DUSP22: variants seen among roughly 807,000 people sequenced by gnomAD.
The protein encoded by DUSP22 is dual specificity phosphatase 22.
Under a neutral mutation model 24.5 loss-of-function variants are expected in DUSP22, and 24 were observed. The ratio of observed to expected loss-of-function variants is 0.98; its 90% CI spans 0.71 to 1.38. DUSP22 has a LOEUF of 1.38. DUSP22 is among the 40% of genes most tolerant of loss of function. The pLI is 0.00. For missense variants in DUSP22, 330 were observed against 269.2 expected, an observed-to-expected ratio of 1.23 and a Z score of -1.58; for synonymous variants, 160 against 106.4, an observed-to-expected ratio of 1.50 and a Z score of -3.10.
At chr6:328,055 T>G (rs1294791177) in intron 3 of DUSP22, among the ~76,000 whole-genome samples, 1 of 152,304 alleles carries the variant, frequency 6.6e-6, no homozygotes, top group Non-Finnish European at 1.5e-5. Context: ...AGAGATAAAT[T>G]TTTCCCTGGT....
chr6:345,106 AAAT>A (rs1270338866), intron 4 of DUSP22, among the ~76,000 whole-genome samples: 7 of 152,300 alleles, frequency 4.6e-5, no homozygotes, highest in Non-Finnish European at 8.8e-5. Context: ...TCAGCATTGT[AAAT>A]AATGGATTCT....
In DUSP22 at chr6:304,174, A is replaced by G. The variant is rs1039308927; in HGVS notation, c.22-454A>G. Reference sequence around the variant, plus strand: ...CGCCACACAGGGGACATAGAGGGCTACTGTCACTGAGCCGGGGGCCAACCC... The same window carrying G: ...CGCCACACAGGGGACATAGAGGGCTGCTGTCACTGAGCCGGGGGCCAACCC... On this transcript the variant is annotated intron_variant, in intron 1 of 6. Coordinates refer to ENST00000419235, the MANE Select transcript of DUSP22 (RefSeq NM_001286555.3). Among the ~76,000 whole-genome samples, 4 of 152,308 alleles carry G rather than the reference A, an allele frequency of 2.6e-5. No homozygotes were observed. In the East Asian group the frequency reaches 7.7e-4, roughly 29 times the overall value.
intron 3 of DUSP22, chr6:326,025 G>C (rs552439703): frequency 9.9e-4 from 221 of 223,740 alleles, no homozygotes; most frequent in African/African-American, 5.3e-3. Flanking sequence ...CTGGGCTTCT[G>C]CGTTCTGGTG....
At chr6:331,921 T>C (rs950542780) in intron 3 of DUSP22, among the ~76,000 whole-genome samples, 1 of 152,308 alleles carries the variant, frequency 6.6e-6, no homozygotes, top group Non-Finnish European at 1.5e-5. Context: ...CCTGTTGCAG[T>C]GGCCAGGAGG....
intron 1 of DUSP22, among the ~76,000 whole-genome samples, chr6:295,904 T>C (rs1332848116): frequency 2.6e-5 from 4 of 152,278 alleles, no homozygotes; most frequent in African/African-American, 9.6e-5. Context: ...TCAAACGACC[T>C]TATATTTGCC....
chr6:342,147 G>A (rs1759636183), intron 4 of DUSP22, among the ~76,000 whole-genome samples: 1 of 152,308 alleles, frequency 6.6e-6, no homozygotes, highest in Non-Finnish European at 1.5e-5. Context: ...CAGATGGGCA[G>A]CTGCTAACTT....
At chr6:347,117 C>T (rs553331695) in intron 5 of DUSP22, among the ~76,000 whole-genome samples, 10 of 152,416 alleles carry the variant, frequency 6.6e-5, no homozygotes, top group East Asian at 1.9e-4. Flanking sequence ...CCAATTAAAG[C>T]GGAATTCTGG....
In DUSP22 at chr6:349,780, C is replaced by G. The variant is rs941347604; in HGVS notation, c.*829C>G. On this transcript the variant is annotated 3_prime_UTR_variant, in exon 7 of 7. Transcript: ENST00000419235. ...GAGTCAAGGCCACTTTTCAGCCCAT[C>G]GAGCCCTGAGTTCTACTTGGTGTTT... The G allele has an allele frequency of 1.0e-6, 1 of 985,988 alleles. No homozygotes were observed. The highest frequency in any genetic ancestry group is 1.7e-5 in the African/African-American group (1 of 57,404). The allele number at this position is 985,988 out of a possible 1,614,324, so 61.1% of individuals were successfully genotyped here.
At chr6:304,723 A>T in intron 2 of DUSP22, 62 bp downstream of exon 2, 1 of 1,603,562 alleles carries the variant, frequency 6.2e-7, no homozygotes, top group Non-Finnish European at 8.5e-7. Context: ...TGTCATCTTG[A>T]CCATTTTAAA....
chr6:295,766 C>G (rs12662831), intron 1 of DUSP22, among the ~76,000 whole-genome samples: 41,982 of 144,370 alleles, frequency 0.29, 2,251 homozygotes, highest in Non-Finnish European at 0.36. Flanking sequence ...TGCCACCGCA[C>G]TCCAGCCTGA....
At chr6:304,763 G>A in intron 2 of DUSP22, 102 bp downstream of exon 2, 2 of 1,489,020 alleles carry the variant, frequency 1.3e-6, no homozygotes, top group Non-Finnish European at 1.9e-6. Flanking sequence ...TAAGTAATTT[G>A]CATTGCTGTG....
chr6:309,563 T>G (rs1032037881), intron 2 of DUSP22, among the ~76,000 whole-genome samples: 1 of 152,300 alleles, frequency 6.6e-6, no homozygotes, highest in Non-Finnish European at 1.5e-5. Flanking sequence ...GTTTCTTGAC[T>G]TCTGCTTCAT....
intron 5 of DUSP22, 122 bp from the exon 6 acceptor site, chr6:347,981 A>G: frequency 1.4e-6 from 2 of 1,447,084 alleles, no homozygotes; most frequent in South Asian, 1.3e-5. Flanking sequence ...CTGTCCACAT[A>G]TAATCCAAGG....
intron 2 of DUSP22, among the ~76,000 whole-genome samples, chr6:305,793 T>C (rs1329935250): frequency 2.0e-5 from 3 of 152,306 alleles, no homozygotes; most frequent in African/African-American, 7.2e-5. Context: ...TCATGTTAGG[T>C]TGGACAGAGC....
At chr6:309,214 T>C (rs1757956801) in intron 2 of DUSP22, among the ~76,000 whole-genome samples, 1 of 152,304 alleles carries the variant, frequency 6.6e-6, no homozygotes, top group African/African-American at 2.4e-5. Flanking sequence ...CAGGTGGCTT[T>C]GAGGTAACTA....
intron 3 of DUSP22, among the ~76,000 whole-genome samples, chr6:313,578 A>G (rs1360452892): frequency 6.6e-6 from 1 of 152,304 alleles, no homozygotes; most frequent in Non-Finnish European, 1.5e-5. Context: ...TCTGCCTTTA[A>G]AAAAAGAGAG....
intron 4 of DUSP22, among the ~76,000 whole-genome samples, chr6:337,658 G>C (rs1027999048): frequency 4.6e-5 from 7 of 152,296 alleles, no homozygotes; most frequent in Non-Finnish European, 1.0e-4. Context: ...AGGGGTTGCA[G>C]GTGCAATTTT....
chr6:320,723 G>A (rs1263659125), intron 3 of DUSP22, among the ~76,000 whole-genome samples: 1 of 152,298 alleles, frequency 6.6e-6, no homozygotes, highest in South Asian at 2.1e-4. Flanking sequence ...GGGAGGGTGA[G>A]GGGTGTGTCT....
rs11962042 is a variant in DUSP22, at chr6:350,392, C to T, written c.*1441C>T. Reference sequence around the variant, plus strand: ...GATTCCTTAAGCATGCAGAGTCACTCGAATGAAAAAACATACTCGACCTCT... The same window carrying T: ...GATTCCTTAAGCATGCAGAGTCACTTGAATGAAAAAACATACTCGACCTCT... On this transcript the variant is annotated 3_prime_UTR_variant, in exon 7 of 7. Transcript: ENST00000419235. 7,520 of 1,089,892 alleles carry T rather than the reference C, an allele frequency of 6.9e-3. 9 individuals are homozygous for T. In the African/African-American group the frequency reaches 0.12, roughly 17 times the overall value. The allele number at this position is 1,089,892 out of a possible 1,614,324, so 67.5% of individuals were successfully genotyped here.
Sources: gnomAD v4.1 joint callset for allele counts (sites outside exome capture counted in the v4.1 genomes callset) on GRCh38, gnomAD v4.1.1 for gene constraint, MANE v1.5 for transcripts, NCBI Gene and HGNC (gene_info 2026-07-23, HGNC 2026-07-21) for gene names.